The following LAPTM4A variants were observed in gnomAD, a reference collection of about 807,000 sequenced individuals.
The protein encoded by LAPTM4A is lysosomal-associated transmembrane protein 4A.
Under a neutral mutation model 29.9 loss-of-function variants are expected in LAPTM4A, and 19 were observed. The ratio of observed to expected loss-of-function variants is 0.64; its 90% CI spans 0.44 to 0.93. The LOEUF (loss-of-function observed/expected upper bound fraction) is 0.93, where lower values mean the gene tolerates loss of function less well. LAPTM4A is among the 40% of genes least tolerant of loss of function. The pLI is 0.00. For synonymous variants in LAPTM4A, 105 were observed against 102.1 expected (o/e 1.03, Z -0.17); for missense variants, 293 against 288.5 (o/e 1.02, Z -0.11).
chr2:20,034,339 G>A lies in LAPTM4A; in HGVS notation c.605C>T (p.Pro202Leu), dbSNP rs534896719. 36 of 1,613,654 alleles carry A rather than the reference G, an allele frequency of 2.2e-5. No homozygotes were observed. The South Asian group carries it at 3.8e-4, about 17-fold the overall frequency. Reference protein sequence around the residue: ...NRNVPEIAVYPAFEAPPQYVL... With the variant: ...NRNVPEIAVYLAFEAPPQYVL... Reference sequence around the variant, plus strand: ...AACCTGAGGAGGTGCTTCAAAGGCAGGGTACACAGCAATCTCCGGCACGTT... The same window carrying A: ...AACCTGAGGAGGTGCTTCAAAGGCAAGGTACACAGCAATCTCCGGCACGTT... The change falls in exon 6 of 7, where the codon CCT (proline) becomes CTT (leucine). Residue 202 changes from proline to leucine, a missense_variant. Transcript: ENST00000175091.
In LAPTM4A at chr2:20,037,368, G is replaced by A; in HGVS notation, c.380C>T (p.Ala127Val). 2 of 1,613,110 alleles carry A rather than the reference G, an allele frequency of 1.2e-6. No individual in the cohort carries two copies. The highest frequency in any genetic ancestry group is 2.2e-5 in the South Asian group (2 of 91,028). ...TGGCAAATAGGTGAGAGAACTAATAGCAACCAGGCAACTGAGGACGAAGTC... is the reference window on the plus strand; with the variant it reads ...TGGCAAATAGGTGAGAGAACTAATAACAACCAGGCAACTGAGGACGAAGTC... ...LFDFVLSCLV[A>V]ISSLTYLPRI... Residue 127 changes from alanine (A) to valine (V), a missense_variant, in exon 4 of 7, where the codon GCT becomes GTT. Physicochemically the swap from Ala to Val is moderately conservative, Grantham distance 64. Transcript: ENST00000175091.
At position 20,034,534 on chromosome 2, in the gene LAPTM4A, C is replaced by G; in HGVS notation, c.529-119G>C. On this transcript the variant is annotated intron_variant, in intron 5 of 6. Coordinates refer to ENST00000175091, the MANE Select transcript of LAPTM4A (RefSeq NM_014713.5). ...CCTCTGTGTAGAAGGGAGCTGACCT[C>G]TGTGTGGACCCAGCACAGGCCAGGC... 5.5e-6 allele frequency: 4 copies of G among 721,530 alleles called. No homozygotes were observed. In the South Asian group the frequency reaches 6.3e-5, roughly 11 times the overall value. The allele number at this position is 721,530 out of a possible 1,614,324, so 44.7% of individuals were successfully genotyped here. A position where few individuals can be genotyped will look rare whatever the true frequency, so the allele number is the denominator to read the frequency against.
At position 20,033,114 on chromosome 2, in the gene LAPTM4A, A is replaced by T; in HGVS notation, c.*91T>A. On this transcript the variant is annotated 3_prime_UTR_variant, in exon 7 of 7. Transcript: ENST00000175091. Reference sequence around the variant, plus strand: ...AACAAAAGACAACATATTTTATATCAAACAAGTTTGAAGAGCCCTGAATTG... The same window carrying T: ...AACAAAAGACAACATATTTTATATCTAACAAGTTTGAAGAGCCCTGAATTG... 9.6e-7 allele frequency: 1 copy of T among 1,046,762 alleles called. No homozygotes were observed. Among genetic ancestry groups the T allele is most frequent in the East Asian group, 2.4e-5 (1 of 42,012 alleles). The allele number at this position is 1,046,762 out of a possible 1,614,324, so 64.8% of individuals were successfully genotyped here.
rs754415288 is a variant in LAPTM4A, at chr2:20,037,527, A to G, written c.309+11T>C. The G allele has an allele frequency of 1.2e-6, 2 of 1,605,126 alleles. No homozygotes were observed. Among genetic ancestry groups the G allele is most frequent in the African/African-American group, 1.3e-5 (1 of 74,350 alleles). The stretch of plus-strand genomic sequence containing the variant: ...GTCAAACTCTAAAAGATGAAAATAC[A>G]GTATACTTACAGAAATTGCTCCATA... On this transcript the variant is annotated intron_variant, in intron 3 of 6. Transcript: ENST00000175091.
At chr2:20,037,751 TAAA>T (rs57679180) in intron 2 of LAPTM4A, 137 bp from the exon 3 acceptor site, 8,315 of 356,594 alleles carry the variant, frequency 0.023, no homozygotes, top group South Asian at 0.039. Flanking sequence ...GCCAAGAGGG[TAAA>T]AAAAAAAAAA....
Position 20,034,194 on chromosome 2 carries a change from G to C in LAPTM4A, c.627+123C>G. On this transcript the variant is annotated intron_variant, in intron 6 of 6. Coordinates refer to ENST00000175091, the MANE Select transcript of LAPTM4A (RefSeq NM_014713.5). ...TGTGGATTTTAAGCTGTTCATAAAAGTACCCAGGGTTCATGCCCAAACCAT... is the reference window on the plus strand; with the variant it reads ...TGTGGATTTTAAGCTGTTCATAAAACTACCCAGGGTTCATGCCCAAACCAT... 6.9e-6 allele frequency: 5 copies of C among 728,474 alleles called. No homozygotes were observed. In the South Asian group the frequency reaches 7.9e-5, roughly 11 times the overall value. The allele number at this position is 728,474 out of a possible 1,614,324, so 45.1% of individuals were successfully genotyped here.
Position 20,032,993 on chromosome 2 carries a change from T to C in LAPTM4A, c.*212A>G. The stretch of plus-strand genomic sequence containing the variant: ...TTGCTCTTGCTTAACCTAGATTGTC[T>C]TCAAAAACTATTAAAATGTAAAAGA... On this transcript the variant is annotated 3_prime_UTR_variant, in exon 7 of 7. Coordinates refer to ENST00000175091, the MANE Select transcript of LAPTM4A (RefSeq NM_014713.5). 1.8e-6 allele frequency: 1 copy of C among 547,472 alleles called. No homozygotes were observed. The highest frequency in any genetic ancestry group is 2.7e-5 in the South Asian group (1 of 37,578). 33.9% of individuals were successfully genotyped at this position (547,472 alleles called of 1,614,324 possible). A position where few individuals can be genotyped will look rare whatever the true frequency, so the allele number is the denominator to read the frequency against.
Position 20,033,241 on chromosome 2 carries a change from A to G in LAPTM4A, c.666T>C (p.Pro222=), listed in dbSNP as rs778661026. The G allele has an allele frequency of 6.2e-7, 1 of 1,614,158 alleles. No homozygotes were observed. Residue 222 remains proline, a synonymous_variant, in exon 7 of 7, where the codon CCT becomes CCC. Transcript: ENST00000175091. The stretch of plus-strand genomic sequence containing the variant: ...AGTAAGGAGGTGGTGGTTCTTTTTC[A>G]GGCATTTTCACGGCCATTTCATAGG... ...LPTYEMAVKM[P]EKEPPPPYLP... is the part of the protein sequence containing the mutation.
chr2:20,050,965 G>A (rs1393488211), intron 1 of LAPTM4A, among the ~76,000 whole-genome samples: 2 of 152,240 alleles, frequency 1.3e-5, no homozygotes, highest in African/African-American at 4.8e-5. Context: ...GTCGAAACTA[G>A]ACTGCGTTTA....
rs1333788103 is a variant in LAPTM4A, at chr2:20,032,855, G to C, written c.*350C>G. 4.4e-6 allele frequency: 1 copy of C among 229,362 alleles called. No individual in the cohort carries two copies. The highest frequency in any genetic ancestry group is 8.7e-6 in the Non-Finnish European group (1 of 115,118). The allele number at this position is 229,362 out of a possible 1,614,324, so 14.2% of individuals were successfully genotyped here. A position where few individuals can be genotyped will look rare whatever the true frequency, so the allele number is the denominator to read the frequency against. On this transcript the variant is annotated 3_prime_UTR_variant, in exon 7 of 7. Transcript: ENST00000175091. ...AGTCTTCCTGAAAGTACTCAGGGTA[G>C]CAAGTAACAAAATGCAAACGATTAT...
chr2:20,039,874 A>T (rs1673757745), intron 2 of LAPTM4A, among the ~76,000 whole-genome samples: 1 of 151,974 alleles, frequency 6.6e-6, no homozygotes, highest in African/African-American at 2.4e-5. Context: ...ACCAACATGG[A>T]GTAACTCTAA....
chr2:20,047,696 C>CAAAAAAAAAAAAAAAAAAAGAAAAAAA (rs61601787), intron 1 of LAPTM4A, among the ~76,000 whole-genome samples: 8 of 76,710 alleles, frequency 1.0e-4, no homozygotes, highest in Non-Finnish European at 1.9e-4. Context: ...GACTCCGTCT[C>CAAAAAAAAAAAAAAAAAAAGAAAAAAA]AAAAAAAAAA....
In LAPTM4A at chr2:20,051,512, G is replaced by A. The variant is rs1339886027; in HGVS notation, c.9C>T (p.Ser3=). The A allele has an allele frequency of 1.2e-6, 2 of 1,601,638 alleles. No individual in the cohort carries two copies. The highest frequency in any genetic ancestry group is 1.7e-4 in the Middle Eastern group (1 of 6,042). Residue 3 remains serine (S), a synonymous_variant, in exon 1 of 7, where the codon TCC becomes TCT. Transcript: ENST00000175091. The part of the protein sequence containing the change: MV[S]MSFKRNRSDR... Reference sequence around the variant, plus strand: ...CACTGCGGTTCCGCTTGAAACTCATGGACACCATCGTAACAGGCGGGCCTC... The same window carrying A: ...CACTGCGGTTCCGCTTGAAACTCATAGACACCATCGTAACAGGCGGGCCTC...
At chr2:20,044,531 A>C (rs1371745163) in intron 1 of LAPTM4A, among the ~76,000 whole-genome samples, 2 of 152,222 alleles carry the variant, frequency 1.3e-5, no homozygotes, top group Non-Finnish European at 2.9e-5. Context: ...TGGGAGGCTG[A>C]GGTGGGAAGG....
chr2:20,036,571 A>T (rs1043569476), intron 4 of LAPTM4A, among the ~76,000 whole-genome samples: 2 of 152,208 alleles, frequency 1.3e-5, no homozygotes, highest in African/African-American at 4.8e-5. Flanking sequence ...ATGAATGATG[A>T]ATTTGGTGGT....
chr2:20,037,498 T>G, intron 3 of LAPTM4A, 40 bp downstream of exon 3: 1 of 1,602,286 alleles, frequency 6.2e-7, no homozygotes, highest in Non-Finnish European at 8.5e-7. Context: ...TAAGCTCCCC[T>G]AAGGTCAAAC....
At chr2:20,046,428 A>T (rs1166516994) in intron 1 of LAPTM4A, among the ~76,000 whole-genome samples, 2 of 151,974 alleles carry the variant, frequency 1.3e-5, no homozygotes, top group African/African-American at 4.8e-5. Flanking sequence ...TTTGGAGGAG[A>T]CATTCATTCA....
intron 1 of LAPTM4A, among the ~76,000 whole-genome samples, chr2:20,047,467 G>A (rs1385417262): frequency 6.7e-6 from 1 of 148,598 alleles, no homozygotes; most frequent in Non-Finnish European, 1.5e-5. Flanking sequence ...GAGGCGGGTG[G>A]ATCATGAGGT....
chr2:20,048,082 T>C (rs184895629), intron 1 of LAPTM4A, among the ~76,000 whole-genome samples: 2 of 152,334 alleles, frequency 1.3e-5, no homozygotes, highest in South Asian at 2.1e-4. Flanking sequence ...CTGTTTATGG[T>C]TGAGACACTC....
Sources: gnomAD v4.1 joint callset for allele counts (sites outside exome capture counted in the v4.1 genomes callset) on GRCh38, gnomAD v4.1.1 for gene constraint, MANE v1.5 for transcripts, NCBI Gene and HGNC (gene_info 2026-07-23, HGNC 2026-07-21) for gene names.